The following RNGTT variants were observed in gnomAD, a reference collection of about 807,000 sequenced individuals.
RNGTT encodes the protein mRNA-capping enzyme.
A neutral mutation model predicts 79.3 loss-of-function variants in RNGTT; 33 were observed. The ratio of observed to expected loss-of-function variants is 0.42; its 90% CI spans 0.32 to 0.56. The LOEUF (loss-of-function observed/expected upper bound fraction) is 0.56, where lower values mean the gene tolerates loss of function less well. Among genes scored for constraint, RNGTT ranks in the 20% least tolerant of loss-of-function variants. The pLI is 0.17. For missense variants in RNGTT, 497 were observed against 739.1 expected (o/e 0.67, Z 3.80); for synonymous variants, 222 against 235.9 (o/e 0.94, Z 0.54).
intron 14 of RNGTT, among the ~76,000 whole-genome samples, chr6:88,618,278 T>C (rs35385898): frequency 0.011 from 1,691 of 152,328 alleles, 11 homozygotes; most frequent in Middle Eastern, 0.024. Flanking sequence ...AGTCCCAAGA[T>C]AGATGCACTA....
intron 4 of RNGTT, among the ~76,000 whole-genome samples, chr6:88,909,564 G>A (rs1022595419): frequency 6.6e-6 from 1 of 152,132 alleles, no homozygotes; most frequent in East Asian, 1.9e-4. Context: ...AGCAGGAAGA[G>A]AAGCCCACCA....
intron 12 of RNGTT, among the ~76,000 whole-genome samples, chr6:88,777,164 G>A (rs771884621): frequency 1.3e-5 from 2 of 152,010 alleles, no homozygotes. Flanking sequence ...TACATGCTTG[G>A]GTTTATTTCT....
chr6:88,799,753 C>T (rs1012302565), intron 12 of RNGTT, among the ~76,000 whole-genome samples: 2 of 135,556 alleles, frequency 1.5e-5, no homozygotes, highest in Admixed American at 7.3e-5. Flanking sequence ...AACGGAATGA[C>T]AAATCAACTG....
At chr6:88,796,864 T>C (rs1779618990) in intron 12 of RNGTT, among the ~76,000 whole-genome samples, 1 of 152,172 alleles carries the variant, frequency 6.6e-6, no homozygotes, top group South Asian at 2.1e-4. Context: ...ACTTACGAGA[T>C]AAAGTTTTTA....
At position 88,771,303 on chromosome 6, in the gene RNGTT, A is replaced by ATGTGTGTGTG. The variant is rs373169358; in HGVS notation, c.1339-1439_1339-1430dup. Among the ~76,000 whole-genome samples, 41 of 82,490 alleles carry ATGTGTGTGTG rather than the reference A, an allele frequency of 5.0e-4. 2 individuals carry two copies. In the East Asian group the frequency reaches 0.013, roughly 26 times the overall value. 54.1% of individuals were successfully genotyped at this position (82,490 alleles called of 152,430 possible). A position where few individuals can be genotyped will look rare whatever the true frequency, so the allele number is the denominator to read the frequency against. ...ATGAAGCACAGGACTGTATGTATGT[A>ATGTGTGTGTG]TGTGTGTGTGTGTATATATATATAT... On this transcript the variant is annotated intron_variant, in intron 12 of 15. Coordinates refer to ENST00000369485, the MANE Select transcript of RNGTT (RefSeq NM_003800.5).
At chr6:88,876,461 G>A (rs1156940138) in intron 8 of RNGTT, among the ~76,000 whole-genome samples, 3 of 152,170 alleles carry the variant, frequency 2.0e-5, no homozygotes, top group African/African-American at 7.2e-5. Flanking sequence ...GCTGCAGTGA[G>A]GCATGAGTGT....
intron 14 of RNGTT, 113 bp from the exon 15 acceptor site, chr6:88,614,508 C>T (rs1772149215): frequency 1.0e-6 from 1 of 981,218 alleles, no homozygotes; most frequent in African/African-American, 1.6e-5. Context: ...ACTCTTCATG[C>T]AGAGAGCTCT....
chr6:88,698,260 A>AAAATATATATATGATATATATTCAT lies in RNGTT; in HGVS notation c.1440-19842_1440-19841insATGAATATATATCATATATATATTT, dbSNP rs1562202296. Among the ~76,000 whole-genome samples the AAAATATATATATGATATATATTCAT allele has an allele frequency of 2.6e-3, 244 of 95,414 alleles. 18 individuals carry two copies. Among genetic ancestry groups the AAAATATATATATGATATATATTCAT allele is most frequent in the African/African-American group, 0.021 (223 of 10,864 alleles). The allele number at this position is 95,414 out of a possible 152,430, so 62.6% of individuals were successfully genotyped here. ...AATATATATATGAAATATATATATA[A>AAAATATATATATGATATATATTCAT]ATATATATGATATATATATTTCATA... On this transcript the variant is annotated intron_variant, in intron 13 of 15. Transcript: ENST00000369485.
intron 13 of RNGTT, among the ~76,000 whole-genome samples, chr6:88,767,678 CA>C (rs58712575): frequency 0.39 from 32,579 of 82,686 alleles, 4,961 homozygotes; most frequent in East Asian, 0.56. Context: ...TCACTTGTGT[CA>C]AAAAAAAAAA....
intron 14 of RNGTT, among the ~76,000 whole-genome samples, chr6:88,676,782 G>A (rs1430081053): frequency 6.6e-6 from 1 of 152,158 alleles, no homozygotes; most frequent in Non-Finnish European, 1.5e-5. Flanking sequence ...CTTCACTAGA[G>A]AAGATATGAA....
At chr6:88,667,258 G>A (rs890640968) in intron 14 of RNGTT, among the ~76,000 whole-genome samples, 1 of 152,210 alleles carries the variant, frequency 6.6e-6, no homozygotes, top group Admixed American at 6.5e-5. Context: ...GATGGATCTG[G>A]TTACCAGACA....
chr6:88,937,525 G>T (rs1233568462), intron 2 of RNGTT, among the ~76,000 whole-genome samples: 2 of 149,138 alleles, frequency 1.3e-5, no homozygotes, highest in Admixed American at 6.6e-5. Context: ...TTGATTCTTT[G>T]TATTTTTTTT....
At chr6:88,784,687 T>C (rs975524024) in intron 12 of RNGTT, among the ~76,000 whole-genome samples, 6 of 152,176 alleles carry the variant, frequency 3.9e-5, no homozygotes, top group African/African-American at 1.4e-4. Flanking sequence ...TGTGTGCTTT[T>C]AAATATTTCC....
At chr6:88,775,101 AAATT>A (rs1464623118) in intron 12 of RNGTT, among the ~76,000 whole-genome samples, 1 of 152,166 alleles carries the variant, frequency 6.6e-6, no homozygotes, top group Non-Finnish European at 1.5e-5. Context: ...ACAGAATGAA[AAATT>A]AATTGAAATT....
chr6:88,631,937 G>A (rs1289935803), intron 14 of RNGTT, among the ~76,000 whole-genome samples: 1 of 152,018 alleles, frequency 6.6e-6, no homozygotes, highest in Non-Finnish European at 1.5e-5. Context: ...GCTTCTGAAA[G>A]AGTACCAAGT....
chr6:88,891,689 A>T, intron 7 of RNGTT, 117 bp downstream of exon 7: 1 of 560,204 alleles, frequency 1.8e-6, no homozygotes, highest in Non-Finnish European at 2.9e-6. Context: ...TGACACCTTT[A>T]AAGTATTCTA....
intron 4 of RNGTT, among the ~76,000 whole-genome samples, chr6:88,910,787 G>C (rs1253669809): frequency 3.3e-5 from 5 of 152,192 alleles, no homozygotes. Context: ...GCTAACAGCA[G>C]ACTTCTCAGT....
At chr6:88,921,104 T>C (rs1346360360) in intron 4 of RNGTT, among the ~76,000 whole-genome samples, 1 of 152,214 alleles carries the variant, frequency 6.6e-6, no homozygotes, top group African/African-American at 2.4e-5. Flanking sequence ...AGTCTTAGGA[T>C]CTGAAAATAC....
rs73498460 is a variant in RNGTT at position 88,865,438 on chromosome 6, G to A, written c.897-11674C>T. Reference sequence around the variant, plus strand: ...GAAGCCATCCCTTTTGAACACAGAAGAGAAAGAGATAAGTGAACACAGAAA... The same window carrying A: ...GAAGCCATCCCTTTTGAACACAGAAAAGAAAGAGATAAGTGAACACAGAAA... On this transcript the variant is annotated intron_variant, in intron 8 of 15. Coordinates refer to ENST00000369485, the MANE Select transcript of RNGTT (RefSeq NM_003800.5). Among the ~76,000 whole-genome samples, 341 of 152,154 alleles carry A rather than the reference G, an allele frequency of 2.2e-3. 1 individual carries two copies. The highest frequency in any genetic ancestry group is 7.9e-3 in the African/African-American group (329 of 41,546).
Sources: gnomAD v4.1 joint callset for allele counts (sites outside exome capture counted in the v4.1 genomes callset) on GRCh38, gnomAD v4.1.1 for gene constraint, MANE v1.5 for transcripts, NCBI Gene and HGNC (gene_info 2026-07-23, HGNC 2026-07-21) for gene names.